Variants in ZRANB1 observed in about 807,000 individuals in gnomAD.
ZRANB1 encodes the protein zinc finger RANBP2-type containing 1.
In ZRANB1, 16 loss-of-function variants were observed where a neutral mutation model predicts 80.5. The ratio of observed to expected loss-of-function variants is 0.20; its 90% CI spans 0.13 to 0.30. ZRANB1 has a LOEUF of 0.30. ZRANB1 is among the 10% of genes least tolerant of loss of function. The pLI is 1.00. For synonymous variants in ZRANB1, 291 were observed against 293.1 expected, an observed-to-expected ratio of 0.99 and a Z score of 0.07; for missense variants, 576 against 862.6, an observed-to-expected ratio of 0.67 and a Z score of 4.16.
chr10:124,922,725 T>C, the ZRANB1 span, among the ~76,000 whole-genome samples: 4 of 150,940 alleles, frequency 2.7e-5, no homozygotes, highest in African/African-American at 7.3e-5. Context: ...CGAACTGACC[T>C]CGTGATCTGC....
rs932126532 is a variant in ZRANB1, at chr10:124,983,307, A to G, written c.1678+3A>G. On this transcript the variant is annotated splice_donor_region_variant and intron_variant, in intron 7 of 8. Transcript: ENST00000359653. The surrounding 1 kb of genome is among the most constrained non-coding windows in gnomAD (Gnocchi z 6.2). ...TTTAGGATATACTCGGTTTCAAGGT[A>G]AGCCATTATTCAGGAACGTTTTACA... 2 of 1,613,366 alleles carry G rather than the reference A, an allele frequency of 1.2e-6. No individual in the cohort carries two copies. The highest frequency in any genetic ancestry group is 1.7e-6 in the Non-Finnish European group (2 of 1,179,734).
chr10:124,936,492 A>T, the ZRANB1 span, among the ~76,000 whole-genome samples: 2 of 152,150 alleles, frequency 1.3e-5, no homozygotes, highest in Non-Finnish European at 2.9e-5. Context: ...TTGTTGTGAG[A>T]AGAAAATAAG....
Position 124,974,303 on chromosome 10 carries a change from A to C in ZRANB1, c.1332A>C (p.Leu444=). The C allele has an allele frequency of 1.9e-6, 3 of 1,614,246 alleles. No homozygotes were observed. Among genetic ancestry groups the C allele is most frequent in the Non-Finnish European group, 2.5e-6 (3 of 1,180,042 alleles). Residue 444 remains leucine (L), a synonymous_variant, in exon 5 of 9, where the codon CTA becomes CTC. Coordinates refer to ENST00000359653, the MANE Select transcript of ZRANB1 (RefSeq NM_017580.3). ...GGAACCGGACTGCAGGAGACTGCCTACTTGATTCAGTTCTACAAGCTACCT... is the reference window on the plus strand; with the variant it reads ...GGAACCGGACTGCAGGAGACTGCCTCCTTGATTCAGTTCTACAAGCTACCT... ...ALWNRTAGDC[L]LDSVLQATWG... is the part of the protein sequence containing the mutation.
At chr10:124,919,912 C>A in the ZRANB1 span, among the ~76,000 whole-genome samples, 4 of 112,368 alleles carry the variant, frequency 3.6e-5, no homozygotes, top group Non-Finnish European at 7.2e-5. Context: ...CGCCCGGCCC[C>A]CCCCCCCCCT....
chr10:124,935,006 G>C, the ZRANB1 span, among the ~76,000 whole-genome samples: 3 of 152,232 alleles, frequency 2.0e-5, no homozygotes, highest in Admixed American at 2.0e-4. Flanking sequence ...GAACCAGAGA[G>C]CTTCAGACTA....
intron 2 of ZRANB1, 41 bp downstream of exon 2, chr10:124,966,822 G>T: frequency 6.5e-7 from 1 of 1,546,860 alleles, no homozygotes; most frequent in Non-Finnish European, 8.8e-7. Flanking sequence ...TTATATTAAA[G>T]AAACCTGTTC....
intron 1 of ZRANB1, among the ~76,000 whole-genome samples, chr10:124,955,163 A>T (rs917402080): frequency 1.3e-5 from 2 of 151,874 alleles, no homozygotes; most frequent in East Asian, 3.9e-4. Context: ...AACCCACCTA[A>T]TTGTCCTTTT....
intron 1 of ZRANB1, among the ~76,000 whole-genome samples, chr10:124,954,106 C>T (rs1951666749): frequency 6.7e-6 from 1 of 148,262 alleles, no homozygotes; most frequent in Non-Finnish European, 1.5e-5. Flanking sequence ...TAGCTGGTTC[C>T]AGAATAGTGC....
chr10:124,962,991 C>T (rs539722502), intron 1 of ZRANB1, among the ~76,000 whole-genome samples: 6 of 152,214 alleles, frequency 3.9e-5, no homozygotes, highest in South Asian at 2.1e-4. Context: ...TTTGGCTGGG[C>T]GTGGTGGCTC....
intron 2 of ZRANB1, among the ~76,000 whole-genome samples, chr10:124,971,464 A>G (rs752048147): frequency 2.0e-5 from 3 of 152,222 alleles, no homozygotes; most frequent in African/African-American, 2.4e-5. Flanking sequence ...GGAGAGGAAG[A>G]AAGGGCTTGA....
chr10:124,946,644 T>A (rs1256882838), intron 1 of ZRANB1, among the ~76,000 whole-genome samples: 1 of 152,228 alleles, frequency 6.6e-6, no homozygotes, highest in Admixed American at 6.5e-5. Flanking sequence ...AACTCTACAA[T>A]GTCATTCTGA....
chr10:124,963,566 T>TTTTTTTTTTTTTTGTTTTTTTTTTTTG (rs1564962082), intron 1 of ZRANB1, among the ~76,000 whole-genome samples: 2 of 134,198 alleles, frequency 1.5e-5, no homozygotes, highest in Non-Finnish European at 1.6e-5. Flanking sequence ...TTTTTTTTTT[T>TTTTTTTTTTTTTTGTTTTTTTTTTTTG]TTTTTTTTTT....
chr10:124,983,809 A>T lies in ZRANB1; in HGVS notation c.1908+121A>T. Reference sequence around the variant, plus strand: ...TTAATTTCTGAATGTGATGGTAGTAATTGCTGAAGGTACTAGCTATACTTT... The same window carrying T: ...TTAATTTCTGAATGTGATGGTAGTATTTGCTGAAGGTACTAGCTATACTTT... On this transcript the variant is annotated intron_variant, in intron 8 of 8. Transcript: ENST00000359653. The surrounding 1 kb of genome is among the most constrained non-coding windows in gnomAD (Gnocchi z 6.2). The T allele has an allele frequency of 1.4e-6, 1 of 721,764 alleles. No individual in the cohort carries two copies. Among genetic ancestry groups the T allele is most frequent in the South Asian group, 1.9e-5 (1 of 52,902 alleles). 44.7% of individuals were successfully genotyped at this position (721,764 alleles called of 1,614,324 possible). A position where few individuals can be genotyped will look rare whatever the true frequency, so the allele number is the denominator to read the frequency against.
chr10:124,965,339 A>C (rs1951767903), intron 1 of ZRANB1, among the ~76,000 whole-genome samples: 1 of 152,124 alleles, frequency 6.6e-6, no homozygotes. Context: ...GCAGGGGGTC[A>C]TTTTTTTGAG....
intron 4 of ZRANB1, among the ~76,000 whole-genome samples, chr10:124,973,922 G>A (rs1951850763): frequency 6.6e-6 from 1 of 152,006 alleles, no homozygotes; most frequent in Admixed American, 6.5e-5. Flanking sequence ...TAAAACCTTG[G>A]TTCTCCGCTT....
intron 8 of ZRANB1, 132 bp from the exon 9 acceptor site, chr10:124,984,642 A>T: frequency 1.1e-6 from 1 of 874,954 alleles, no homozygotes; most frequent in African/African-American, 1.7e-5. Context: ...AAGAGGTCAA[A>T]ACCATGTGAA....
upstream of ZRANB1, chr10:124,940,506 CAT>C: frequency 7.8e-7 from 1 of 1,288,972 alleles, no homozygotes; most frequent in Non-Finnish European, 1.0e-6. Context: ...TTATTCTAAT[CAT>C]GTGCAAGGTG....
chr10:124,944,423 T>C (rs1349686553), intron 1 of ZRANB1, among the ~76,000 whole-genome samples: 3 of 151,770 alleles, frequency 2.0e-5, no homozygotes, highest in African/African-American at 7.3e-5. Context: ...TATGAACCTG[T>C]GAGTCCTAGG....
At chr10:124,956,387 A>G (rs757815579) in intron 1 of ZRANB1, among the ~76,000 whole-genome samples, 10 of 152,336 alleles carry the variant, frequency 6.6e-5, no homozygotes, top group Admixed American at 3.9e-4. Context: ...AAGAAATGCA[A>G]TAGTTTCTTC....
Sources: gnomAD v4.1 joint callset for allele counts (sites outside exome capture counted in the v4.1 genomes callset) on GRCh38, gnomAD v4.1.1 for gene constraint, Gnocchi (gnomAD v3.1) non-coding constraint, MANE v1.5 for transcripts, NCBI Gene and HGNC (gene_info 2026-07-23, HGNC 2026-07-21) for gene names.